KCMF1: variants seen among roughly 807,000 people sequenced by gnomAD.
KCMF1 encodes the protein E3 ubiquitin-protein ligase KCMF1.
A neutral mutation model predicts 41.1 loss-of-function variants in KCMF1; 3 were observed. That is an observed-to-expected ratio of 0.07 (90% CI 0.03 to 0.19). The LOEUF is 0.19. Ranked by LOEUF, KCMF1 falls within the 10% of genes least tolerant of loss-of-function variation. The pLI is 1.00. For missense variants in KCMF1, 286 were observed against 488.9 expected (o/e 0.58, Z 3.91); for synonymous variants, 142 against 164.5 (o/e 0.86, Z 1.04).
intron 6 of KCMF1, 69 bp from the exon 7 acceptor site, chr2:85,053,078 TG>T (rs1675845818): frequency 5.0e-6 from 7 of 1,405,708 alleles, no homozygotes; most frequent in Non-Finnish European, 5.8e-6. Context: ...TGGAGAGCAC[TG>T]TAGAAATTGG....
chr2:85,046,154 G>A lies in KCMF1; in HGVS notation c.477G>A (p.Arg159=). 1 of 1,613,724 alleles carries A rather than the reference G, an allele frequency of 6.2e-7. No homozygotes were observed. Among genetic ancestry groups the A allele is most frequent in the Non-Finnish European group, 8.5e-7 (1 of 1,179,772 alleles). The change falls in exon 5 of 7, where the codon CGG becomes CGA. Residue 159 remains arginine, a synonymous_variant. Coordinates refer to ENST00000409785, the MANE Select transcript of KCMF1 (RefSeq NM_020122.5). ...RHVRRMFHPG[R]GLGGPRARRS... The stretch of plus-strand genomic sequence containing the variant: ...TACGTAGAATGTTTCACCCTGGCCG[G>A]GGATTAGGAGGTCCTCGTGCTCGTA...
chr2:85,008,285 A>C (rs1347339735), intron 1 of KCMF1, among the ~76,000 whole-genome samples: 1 of 94,894 alleles, frequency 1.1e-5, no homozygotes, highest in African/African-American at 4.3e-5. Context: ...ATAATATGAT[A>C]TATAATATAT....
intron 1 of KCMF1, among the ~76,000 whole-genome samples, chr2:85,002,109 T>G (rs1009518116): frequency 6.6e-6 from 1 of 152,216 alleles, no homozygotes; most frequent in Non-Finnish European, 1.5e-5. Flanking sequence ...GAATTGATTA[T>G]ATTAATAACA....
chr2:84,977,376 A>G (rs989522779), intron 1 of KCMF1, among the ~76,000 whole-genome samples: 3 of 152,158 alleles, frequency 2.0e-5, no homozygotes, highest in Admixed American at 6.5e-5. Flanking sequence ...TCTTCTTACA[A>G]CTTATTGTAC....
intron 4 of KCMF1, 74 bp downstream of exon 4, chr2:85,043,739 A>G: frequency 1.9e-6 from 2 of 1,033,410 alleles, no homozygotes; most frequent in Non-Finnish European, 3.0e-6. Context: ...TTTTGGAGAC[A>G]AGATCTCGCT....
intron 2 of KCMF1, 89 bp downstream of exon 2, chr2:85,028,145 C>A: frequency 1.3e-6 from 1 of 760,864 alleles, no homozygotes; most frequent in Non-Finnish European, 2.1e-6. Context: ...AACTCCCCAG[C>A]AGCATACCAT....
At chr2:84,995,084 C>T (rs1258893158) in intron 1 of KCMF1, among the ~76,000 whole-genome samples, 4 of 150,790 alleles carry the variant, frequency 2.7e-5, no homozygotes, top group Non-Finnish European at 5.9e-5. Context: ...TGCAGTGGTG[C>T]GATCTTGGCT....
At chr2:84,981,789 G>T (rs1673762544) in intron 1 of KCMF1, among the ~76,000 whole-genome samples, 1 of 151,810 alleles carries the variant, frequency 6.6e-6, no homozygotes, top group Admixed American at 6.6e-5. Flanking sequence ...TTGTTTGTTT[G>T]TTTTTTTGAG....
At chr2:85,009,609 G>A (rs890334085) in intron 1 of KCMF1, among the ~76,000 whole-genome samples, 18 of 152,136 alleles carry the variant, frequency 1.2e-4, no homozygotes, top group Non-Finnish European at 1.8e-4. Context: ...AGCTTCTAGA[G>A]TAGGGTTCCA....
intron 3 of KCMF1, among the ~76,000 whole-genome samples, chr2:85,038,443 TTATG>T (rs1428591334): frequency 6.6e-6 from 1 of 152,174 alleles, no homozygotes; most frequent in African/African-American, 2.4e-5. Flanking sequence ...CACTAGTCCT[TTATG>T]TATATTCTCC....
intron 3 of KCMF1, among the ~76,000 whole-genome samples, 181 bp from the exon 4 acceptor site, chr2:85,043,383 C>G (rs2104054324): frequency 6.6e-6 from 1 of 152,332 alleles, no homozygotes; most frequent in East Asian, 1.9e-4. Flanking sequence ...GTGTTTGACC[C>G]TGAGGGACCT....
intron 1 of KCMF1, among the ~76,000 whole-genome samples, chr2:85,007,523 C>A (rs1231842064): frequency 6.6e-6 from 1 of 152,190 alleles, no homozygotes; most frequent in Non-Finnish European, 1.5e-5. Flanking sequence ...CTTGGCCCAC[C>A]TCCAGCTCCC....
chr2:85,017,227 C>G (rs993248009), intron 1 of KCMF1, among the ~76,000 whole-genome samples: 5 of 151,580 alleles, frequency 3.3e-5, no homozygotes, highest in Non-Finnish European at 7.4e-5. Flanking sequence ...GGGGTTTCAC[C>G]TTGTTAGCCA....
At chr2:84,995,567 T>TG (rs538550168) in intron 1 of KCMF1, among the ~76,000 whole-genome samples, 95 of 152,366 alleles carry the variant, frequency 6.2e-4, no homozygotes, top group Non-Finnish European at 1.2e-3. Flanking sequence ...GTGAGCTACT[T>TG]GGATCTATCT....
intron 1 of KCMF1, among the ~76,000 whole-genome samples, chr2:84,983,472 A>G (rs1673817873): frequency 6.6e-6 from 1 of 152,002 alleles, no homozygotes; most frequent in South Asian, 2.1e-4. Flanking sequence ...GACTACAGAC[A>G]TGTGCCACCA....
At position 85,043,597 on chromosome 2, in the gene KCMF1, G is replaced by A. The variant is rs779570237; in HGVS notation, c.358G>A (p.Asp120Asn). Residue 120 changes from aspartate (D) to asparagine (N), a missense_variant, in exon 4 of 7, where the codon GAT (aspartate) becomes AAT (asparagine). Transcript: ENST00000409785. ...AATATGTGCAGCGTTACCTGGAGGC[G>A]ATCCTAATCATGTCACGGATGACTT... ...CPICAALPGGDPNHVTDDFAA... is the reference protein window; with the variant it reads ...CPICAALPGGNPNHVTDDFAA... The A allele has an allele frequency of 3.1e-6, 5 of 1,612,726 alleles. No homozygotes were observed. Among genetic ancestry groups the A allele is most frequent in the South Asian group, 2.2e-5 (2 of 90,802 alleles).
chr2:85,027,696 A>G (rs1038954623), intron 1 of KCMF1, among the ~76,000 whole-genome samples, 193 bp from the exon 2 acceptor site: 3 of 151,916 alleles, frequency 2.0e-5, no homozygotes, highest in African/African-American at 7.3e-5. Flanking sequence ...ATTTTAAATT[A>G]TTTTCATGTG....
At chr2:84,999,343 C>T (rs886512804) in intron 1 of KCMF1, among the ~76,000 whole-genome samples, 5 of 151,088 alleles carry the variant, frequency 3.3e-5, no homozygotes, top group African/African-American at 4.9e-5. Context: ...AGTAGAGACA[C>T]GGTTTCACCA....
intron 1 of KCMF1, among the ~76,000 whole-genome samples, chr2:85,023,414 G>A (rs1161390748): frequency 6.6e-6 from 1 of 150,928 alleles, no homozygotes; most frequent in Non-Finnish European, 1.5e-5. Context: ...CGCCTCCTGG[G>A]TTCACGCCAT....
Sources: allele counts gnomAD v4.1 joint callset (sites outside exome capture counted in the v4.1 genomes callset), GRCh38; gene constraint gnomAD v4.1.1; transcripts MANE v1.5; gene names NCBI Gene and HGNC (gene_info 2026-07-23, HGNC 2026-07-21).